Variants in FBXO11 observed in about 807,000 individuals in gnomAD.
FBXO11 encodes F-box protein 11.
In FBXO11, 13 loss-of-function variants were observed where a neutral mutation model predicts 117.0. The observed-to-expected ratio is 0.11, with a 90% CI of 0.07 to 0.18. The LOEUF is 0.18. Among genes scored for constraint, FBXO11 ranks in the 10% least tolerant of loss-of-function variants. The pLI, the probability that FBXO11 is intolerant of heterozygous loss-of-function variation, is 1.00. For missense variants in FBXO11, 767 were observed against 1,164.4 expected (o/e 0.66, Z 4.97); for synonymous variants, 490 against 380.5 (o/e 1.29, Z -3.35).
At chr2:47,844,655 T>G (rs938027332) in intron 1 of FBXO11, among the ~76,000 whole-genome samples, 2 of 152,248 alleles carry the variant, frequency 1.3e-5, no homozygotes, top group Non-Finnish European at 2.9e-5. Context: ...GTATTTCTTT[T>G]GTTCGTTTTG....
At chr2:47,852,927 G>T (rs1337628590) in intron 1 of FBXO11, among the ~76,000 whole-genome samples, 1 of 151,946 alleles carries the variant, frequency 6.6e-6, no homozygotes, top group East Asian at 1.9e-4. Context: ...AAATCACATG[G>T]GTAAGCTCCA....
intron 1 of FBXO11, among the ~76,000 whole-genome samples, chr2:47,900,661 CACGT>C (rs367759698): frequency 0.094 from 8,589 of 90,976 alleles, 2,033 homozygotes; most frequent in East Asian, 0.3. Context: ...CGTATACACA[CACGT>C]ACGTATATAC....
At chr2:47,813,933 A>C in intron 16 of FBXO11, 66 bp from the exon 17 acceptor site, 1 of 1,218,146 alleles carries the variant, frequency 8.2e-7, no homozygotes, top group Non-Finnish European at 1.2e-6. Flanking sequence ...ATGTTACGTG[A>C]GGTAAACAGT....
chr2:47,895,266 A>G (rs1373595407), intron 1 of FBXO11, among the ~76,000 whole-genome samples: 1 of 152,244 alleles, frequency 6.6e-6, no homozygotes. Flanking sequence ...CATCAACTGT[A>G]GAATGGATAA....
chr2:47,852,335 A>T (rs1421823926), intron 1 of FBXO11, among the ~76,000 whole-genome samples: 1 of 152,156 alleles, frequency 6.6e-6, no homozygotes, highest in Admixed American at 6.5e-5. Context: ...CACCAGAGAG[A>T]GAAAAGGATG....
chr2:47,872,720 T>A (rs891757857), intron 1 of FBXO11, among the ~76,000 whole-genome samples: 1 of 152,184 alleles, frequency 6.6e-6, no homozygotes, highest in Non-Finnish European at 1.5e-5. Context: ...ATACCTGACA[T>A]GGGATATCAC....
chr2:47,896,960 A>G (rs1007979241), intron 1 of FBXO11, among the ~76,000 whole-genome samples: 11 of 152,196 alleles, frequency 7.2e-5, no homozygotes, highest in African/African-American at 2.7e-4. Context: ...AGAAGTCTGG[A>G]AAGACTCCTA....
chr2:47,840,160 G>A (rs555701378), intron 1 of FBXO11, among the ~76,000 whole-genome samples: 5 of 151,904 alleles, frequency 3.3e-5, no homozygotes, highest in African/African-American at 9.7e-5. Flanking sequence ...AGCCAGGATG[G>A]TCTTGATCTC....
At chr2:47,846,297 G>A (rs191615310) in intron 1 of FBXO11, among the ~76,000 whole-genome samples, 99 of 152,056 alleles carry the variant, frequency 6.5e-4, no homozygotes, top group Admixed American at 3.0e-3. Flanking sequence ...GAGAAACTCC[G>A]TCTCTACTAA....
rs1167552938 is a variant in FBXO11, at chr2:47,905,502, G to A, written c.219C>T (p.Asn73=). Residue 73 remains asparagine (N), a synonymous_variant, in exon 1 of 23, where the codon AAC becomes AAT. Coordinates refer to ENST00000403359, the MANE Select transcript of FBXO11 (RefSeq NM_001190274.2). ...GCGCGGCCTTACCCCGCTCGCCGACGTTGTTCCGCTCCTGAGGCAGCGGCG... is the reference window on the plus strand; with the variant it reads ...GCGCGGCCTTACCCCGCTCGCCGACATTGTTCCGCTCCTGAGGCAGCGGCG... ...PPPPLPQERN[N]VGERDDDVPA... 24 of 1,232,638 alleles carry A rather than the reference G, an allele frequency of 1.9e-5. No homozygotes were observed. Among genetic ancestry groups the A allele is most frequent in the East Asian group, 3.5e-5 (1 of 28,322 alleles). The allele number at this position is 1,232,638 out of a possible 1,614,324, so 76.4% of individuals were successfully genotyped here.
At chr2:47,829,015 C>T (rs573787917) in intron 11 of FBXO11, among the ~76,000 whole-genome samples, 44 of 149,086 alleles carry the variant, frequency 3.0e-4, no homozygotes, top group African/African-American at 1.0e-3. Context: ...CCCACCTCCC[C>T]ACTTCAAGTG....
intron 1 of FBXO11, among the ~76,000 whole-genome samples, chr2:47,873,037 T>C (rs1032237902): frequency 6.6e-6 from 1 of 152,158 alleles, no homozygotes; most frequent in Admixed American, 6.5e-5. Flanking sequence ...TGAGAACTGC[T>C]ATTGTAGAGT....
At chr2:47,898,255 C>T (rs1256238005) in intron 1 of FBXO11, among the ~76,000 whole-genome samples, 1 of 152,132 alleles carries the variant, frequency 6.6e-6, no homozygotes, top group Non-Finnish European at 1.5e-5. Context: ...TGAAATAAAT[C>T]ATGTAAAGGA....
intron 11 of FBXO11, among the ~76,000 whole-genome samples, chr2:47,825,142 C>G (rs1671655084): frequency 6.6e-6 from 1 of 151,994 alleles, no homozygotes; most frequent in Non-Finnish European, 1.5e-5. Context: ...TCTGAATACT[C>G]TAGTATACTA....
At chr2:47,816,346 A>G (rs958930662) in intron 16 of FBXO11, among the ~76,000 whole-genome samples, 3 of 151,726 alleles carry the variant, frequency 2.0e-5, no homozygotes, top group Non-Finnish European at 4.4e-5. Flanking sequence ...TGCCTAGCTA[A>G]TTTTTTCTAT....
intron 4 of FBXO11, chr2:47,837,137 G>A (rs1054751114): frequency 5.6e-6 from 1 of 180,032 alleles, no homozygotes; most frequent in African/African-American, 2.4e-5. Context: ...TCAAACTGGA[G>A]TAATGGCTAA....
At chr2:47,874,728 T>G (rs1405978986) in intron 1 of FBXO11, among the ~76,000 whole-genome samples, 2 of 152,018 alleles carry the variant, frequency 1.3e-5, no homozygotes, top group Admixed American at 1.3e-4. Context: ...AGAGATGGGA[T>G]TTCACCATGT....
intron 11 of FBXO11, among the ~76,000 whole-genome samples, chr2:47,826,824 G>A (rs1671790331): frequency 6.6e-6 from 1 of 152,060 alleles, no homozygotes; most frequent in Non-Finnish European, 1.5e-5. Flanking sequence ...GGAGTGCAGT[G>A]GCCCAATCTT....
At chr2:47,864,229 A>G (rs1417379826) in intron 1 of FBXO11, among the ~76,000 whole-genome samples, 1 of 152,178 alleles carries the variant, frequency 6.6e-6, no homozygotes, top group Non-Finnish European at 1.5e-5. Flanking sequence ...TTAAGTACTC[A>G]CGGTATTTCA....
Sources: gnomAD v4.1 joint callset for allele counts (sites outside exome capture counted in the v4.1 genomes callset) on GRCh38, gnomAD v4.1.1 for gene constraint, MANE v1.5 for transcripts, NCBI Gene and HGNC (gene_info 2026-07-23, HGNC 2026-07-21) for gene names.